Variants in SGPP2 observed in about 807,000 individuals in gnomAD.
The protein encoded by SGPP2 is sphingosine 1-phosphate phosphohydrolase 2.
SGPP2 carries 30 observed loss-of-function variants against 33.9 expected under a neutral mutation model. The ratio of observed to expected loss-of-function variants is 0.89; its 90% CI spans 0.66 to 1.20. The LOEUF (loss-of-function observed/expected upper bound fraction) is 1.20, where lower values mean the gene tolerates loss of function less well. Ranked by LOEUF, SGPP2 falls within the 50% of genes most tolerant of loss-of-function variation. The pLI is 0.00. For missense variants in SGPP2, 458 were observed against 532.1 expected (o/e 0.86, Z 1.37); for synonymous variants, 233 against 225.0 (o/e 1.04, Z -0.32).
rs571043854 is a variant in SGPP2, at chr2:222,472,777, G to A, written c.220-1791G>A. Among the ~76,000 whole-genome samples, 12 of 152,312 alleles carry A rather than the reference G, an allele frequency of 7.9e-5. No homozygotes were observed. In the South Asian group the frequency reaches 8.3e-4, roughly 11 times the overall value. ...TGCTTCAAAGTTAAACTAAACTAAA[G>A]GCCAAGGCAGGCAGATTACCTGAAG... On this transcript the variant is annotated intron_variant, in intron 1 of 4. Coordinates refer to ENST00000321276, the MANE Select transcript of SGPP2 (RefSeq NM_152386.4).
At chr2:222,535,038 G>A (rs1698892658) in intron 4 of SGPP2, among the ~76,000 whole-genome samples, 1 of 152,166 alleles carries the variant, frequency 6.6e-6, no homozygotes, top group Non-Finnish European at 1.5e-5. Flanking sequence ...ATTAATTTGT[G>A]TACCTTCTTT....
rs199903193 is a variant in SGPP2 at position 222,551,219 on chromosome 2, A to AT, written c.649-7122dup. On this transcript the variant is annotated intron_variant, in intron 4 of 4. Coordinates refer to ENST00000321276, the MANE Select transcript of SGPP2 (RefSeq NM_152386.4). Reference sequence around the variant, plus strand: ...CCACCCGTTCAGGACAGTTATCCCTATTTTTTCCCCTCTGTTACACAGTCA... The same window carrying AT: ...CCACCCGTTCAGGACAGTTATCCCTATTTTTTTCCCCTCTGTTACACAGTCA... Among the ~76,000 whole-genome samples, 291 of 151,848 alleles carry AT rather than the reference A, an allele frequency of 1.9e-3. 1 individual carries two copies. The highest frequency in any genetic ancestry group is 6.6e-3 in the African/African-American group (274 of 41,394).
intron 1 of SGPP2, among the ~76,000 whole-genome samples, chr2:222,473,415 A>C (rs951003209): frequency 5.3e-5 from 8 of 152,146 alleles, no homozygotes; most frequent in Non-Finnish European, 8.8e-5. Context: ...TCTGACTCTG[A>C]CCATTCTGCC....
At chr2:222,523,297 T>C (rs1014867298) in intron 3 of SGPP2, among the ~76,000 whole-genome samples, 2 of 152,236 alleles carry the variant, frequency 1.3e-5, no homozygotes, top group Admixed American at 6.5e-5. Context: ...GGTCAAACAA[T>C]GTCTGAGCTC....
chr2:222,528,446 T>G (rs1698792504), intron 4 of SGPP2, among the ~76,000 whole-genome samples: 1 of 152,126 alleles, frequency 6.6e-6, no homozygotes, highest in Middle Eastern at 3.4e-3. Context: ...AAAAAAGCAA[T>G]GTACATATAA....
chr2:222,523,839 A>T (rs1448047377), intron 3 of SGPP2, among the ~76,000 whole-genome samples: 1 of 152,212 alleles, frequency 6.6e-6, no homozygotes, highest in Non-Finnish European at 1.5e-5. Flanking sequence ...TTCCAAATAT[A>T]TTAACTCATT....
At chr2:222,531,640 A>G (rs759316569) in intron 4 of SGPP2, among the ~76,000 whole-genome samples, 6 of 152,194 alleles carry the variant, frequency 3.9e-5, no homozygotes, top group Non-Finnish European at 7.3e-5. Flanking sequence ...AATCCTGTTA[A>G]TACCGCTGGA....
At chr2:222,440,210 C>A (rs182926094) in intron 1 of SGPP2, among the ~76,000 whole-genome samples, 1 of 152,338 alleles carries the variant, frequency 6.6e-6, no homozygotes, top group African/African-American at 2.4e-5. Context: ...TGGCTGTCAA[C>A]CTTCTGCTCA....
chr2:222,516,034 C>T (rs973776371), intron 2 of SGPP2, among the ~76,000 whole-genome samples: 2 of 152,086 alleles, frequency 1.3e-5, no homozygotes, highest in African/African-American at 4.8e-5. Context: ...GGCAACAGAG[C>T]GAGACTCAGT....
chr2:222,511,766 C>A (rs577626941), intron 2 of SGPP2, among the ~76,000 whole-genome samples: 1 of 152,222 alleles, frequency 6.6e-6, no homozygotes, highest in Admixed American at 6.5e-5. Context: ...CGGTCTTGAC[C>A]TCCGAGGCTC....
chr2:222,524,727 C>A (rs1401971105), intron 3 of SGPP2, among the ~76,000 whole-genome samples: 1 of 152,168 alleles, frequency 6.6e-6, no homozygotes, highest in Non-Finnish European at 1.5e-5. Context: ...TGTTGTGAAA[C>A]TTCCTCCCAG....
intron 4 of SGPP2, among the ~76,000 whole-genome samples, chr2:222,554,722 A>G (rs946978651): frequency 6.6e-6 from 1 of 152,154 alleles, no homozygotes; most frequent in Admixed American, 6.5e-5. Context: ...GGGAAGGTGG[A>G]GAAGGGAGCA....
At chr2:222,495,717 G>A (rs1698269570) in intron 2 of SGPP2, among the ~76,000 whole-genome samples, 2 of 152,126 alleles carry the variant, frequency 1.3e-5, no homozygotes, top group Non-Finnish European at 2.9e-5. Context: ...TTAGTGACAA[G>A]GCCAGACACA....
rs1038139786 is a variant in SGPP2, at chr2:222,476,243, G to T, written c.378+1517G>T. On this transcript the variant is annotated intron_variant, in intron 2 of 4. Transcript: ENST00000321276. The surrounding 1 kb of genome is among the most constrained non-coding windows in gnomAD (Gnocchi z 4.3). The stretch of plus-strand genomic sequence containing the variant: ...ACAAGTAGAATGGACTTGATCAGGG[G>T]TCATAAATTCGAATGTTCTCAGGGG... Among the ~76,000 whole-genome samples, 2 of 152,112 alleles carry T rather than the reference G, an allele frequency of 1.3e-5. No individual in the cohort carries two copies. Among genetic ancestry groups the T allele is most frequent in the Non-Finnish European group, 2.9e-5 (2 of 68,012 alleles).
At chr2:222,543,124 T>C (rs1462275141) in intron 4 of SGPP2, among the ~76,000 whole-genome samples, 3 of 152,242 alleles carry the variant, frequency 2.0e-5, no homozygotes, top group African/African-American at 7.2e-5. Context: ...ACAACTTTTG[T>C]GTCTTGTGTA....
At chr2:222,543,530 A>T (rs866170365) in intron 4 of SGPP2, among the ~76,000 whole-genome samples, 1 of 152,254 alleles carries the variant, frequency 6.6e-6, no homozygotes, top group African/African-American at 2.4e-5. Flanking sequence ...ACAACAACCA[A>T]TAATAACATA....
chr2:222,452,814 C>G lies in SGPP2; in HGVS notation c.220-21754C>G. On this transcript the variant is annotated intron_variant, in intron 1 of 4. Transcript: ENST00000321276. ...GGTAGGTGCTGAGGCCTGAGTCACA[C>G]CATTGCTATTCTGCGGCCAGTTGTT... The G allele has an allele frequency of 5.0e-6, 8 of 1,600,910 alleles. No individual in the cohort carries two copies. The South Asian group carries it at 8.8e-5, about 18-fold the overall frequency.
intron 2 of SGPP2, among the ~76,000 whole-genome samples, chr2:222,479,288 AT>A (rs1697993635): frequency 6.6e-6 from 1 of 150,596 alleles, no homozygotes; most frequent in Non-Finnish European, 1.5e-5. Flanking sequence ...TATTACAATG[AT>A]TTGCCCAAAG....
intron 1 of SGPP2, among the ~76,000 whole-genome samples, chr2:222,428,540 A>G (rs1697105731): frequency 2.0e-5 from 3 of 152,138 alleles, no homozygotes; most frequent in African/African-American, 7.2e-5. Flanking sequence ...TGACTTAGGG[A>G]GAGGTTCAAA....
Sources: gnomAD v4.1 joint callset for allele counts (sites outside exome capture counted in the v4.1 genomes callset) on GRCh38, gnomAD v4.1.1 for gene constraint, Gnocchi (gnomAD v3.1) non-coding constraint, MANE v1.5 for transcripts, NCBI Gene and HGNC (gene_info 2026-07-23, HGNC 2026-07-21) for gene names.